The following TSEN2 variants were observed in gnomAD, a reference collection of about 807,000 sequenced individuals.
TSEN2 encodes tRNA-splicing endonuclease subunit Sen2.
In TSEN2, 54 loss-of-function variants were observed where a neutral mutation model predicts 59.2. The observed-to-expected ratio is 0.91, with a 90% CI of 0.73 to 1.14. The LOEUF (loss-of-function observed/expected upper bound fraction) is 1.14. Among genes scored for constraint, TSEN2 ranks in the 50% most tolerant of loss-of-function variants. TSEN2 has a pLI of 0.00. For missense variants in TSEN2, 636 were observed against 576.2 expected (o/e 1.10, Z -1.06); for synonymous variants, 195 against 198.2 (o/e 0.98, Z 0.14).
Position 12,532,848 on chromosome 3 carries a change from A to T in TSEN2, c.*127A>T. On this transcript the variant is annotated 3_prime_UTR_variant, in exon 12 of 12. Coordinates refer to ENST00000284995, the MANE Select transcript of TSEN2 (RefSeq NM_025265.4). ...GGGCATGGTGCTCCCAGCACCAGAA[A>T]ACTATCAGTGTTTTTAAAGATAAAT... 1 of 858,558 alleles carries T rather than the reference A, an allele frequency of 1.2e-6. No individual in the cohort carries two copies. The highest frequency in any genetic ancestry group is 1.9e-6 in the Non-Finnish European group (1 of 523,838). 53.2% of individuals were successfully genotyped at this position (858,558 alleles called of 1,614,324 possible). A position where few individuals can be genotyped will look rare whatever the true frequency, so the allele number is the denominator to read the frequency against.
At chr3:12,516,841 C>T (rs1322178434) in intron 7 of TSEN2, among the ~76,000 whole-genome samples, 180 bp downstream of exon 7, 1 of 152,130 alleles carries the variant, frequency 6.6e-6, no homozygotes, top group Non-Finnish European at 1.5e-5. Context: ...GAGCAAAAGG[C>T]ATCTTTGACC....
At position 12,492,230 on chromosome 3, in the gene TSEN2, T is replaced by TA. The variant is rs1377560426; in HGVS notation, c.271+14dup. 2 of 1,599,108 alleles carry TA rather than the reference T, an allele frequency of 1.3e-6. No individual in the cohort carries two copies. Among genetic ancestry groups the TA allele is most frequent in the African/African-American group, 2.7e-5 (2 of 74,656 alleles). ...GCTAAATGGAAAGGTAAAGTTGTTGTATCATTCAGTTCTTTTGACAAATTA... is the reference window on the plus strand; with the variant it reads ...GCTAAATGGAAAGGTAAAGTTGTTGTAATCATTCAGTTCTTTTGACAAATTA... On this transcript the variant is annotated intron_variant, in intron 3 of 11. Transcript: ENST00000284995.
At chr3:12,485,954 T>C (rs1161571334) in intron 1 of TSEN2, among the ~76,000 whole-genome samples, 1 of 151,882 alleles carries the variant, frequency 6.6e-6, no homozygotes, top group Non-Finnish European at 1.5e-5. Flanking sequence ...TTTAAAAATA[T>C]ATATATATAA....
Position 12,503,773 on chromosome 3 carries a change from C to T in TSEN2, c.820C>T (p.Pro274Ser). 6.2e-7 allele frequency: 1 copy of T among 1,613,912 alleles called. No homozygotes were observed. The highest frequency in any genetic ancestry group is 1.1e-5 in the South Asian group (1 of 91,050). Residue 274 changes from proline to serine, a missense_variant, in exon 5 of 12, where the codon CCA becomes TCA. Pro to Ser is a moderately conservative substitution (Grantham distance 74). Transcript: ENST00000284995. Reference sequence around the variant, plus strand: ...TGCCATGAGCGAGAGGGAGGCTGCCCCAAATGAGGAAGTAAGTAGAAGAAA... The same window carrying T: ...TGCCATGAGCGAGAGGGAGGCTGCCTCAAATGAGGAAGTAAGTAGAAGAAA... Reference protein sequence around the residue: ...ECAMSEREAAPNEELVQRNRL... With the variant: ...ECAMSEREAASNEELVQRNRL...
chr3:12,524,023 T>A (rs2056883315), intron 8 of TSEN2, among the ~76,000 whole-genome samples: 1 of 152,232 alleles, frequency 6.6e-6, no homozygotes, highest in Non-Finnish European at 1.5e-5. Context: ...AAAATTAGAA[T>A]TACTTAATAT....
intron 6 of TSEN2, chr3:12,515,050 C>T (rs778881612): frequency 6.6e-6 from 1 of 152,118 alleles, no homozygotes; most frequent in African/African-American, 2.4e-5. Flanking sequence ...GATAACACCA[C>T]GTTATTATTA....
At chr3:12,527,540 G>A (rs1050304339) in intron 8 of TSEN2, among the ~76,000 whole-genome samples, 1 of 146,930 alleles carries the variant, frequency 6.8e-6, no homozygotes, top group Non-Finnish European at 1.5e-5. Context: ...TGCAAGCTCC[G>A]CCTCCCGGCC....
chr3:12,509,186 T>C (rs1376608731), intron 6 of TSEN2, among the ~76,000 whole-genome samples: 1 of 141,236 alleles, frequency 7.1e-6, no homozygotes, highest in East Asian at 2.0e-4. Context: ...TTGGGGGTTT[T>C]TTTTGGTTTT....
chr3:12,529,918 TCA>T lies in TSEN2; in HGVS notation c.1248+46_1248+47del, dbSNP rs1049293684. On this transcript the variant is annotated intron_variant, in intron 10 of 11. Transcript: ENST00000284995. ...GCCATTGGAGTGTCACTTAAATGGT[TCA>T]GTTTTTTTTTTTTTCTTAAATGTAG... The T allele has an allele frequency of 8.2e-6, 13 of 1,586,208 alleles. No individual in the cohort carries two copies. The African/African-American group carries it at 1.2e-4, about 15-fold the overall frequency.
At chr3:12,517,666 G>C (rs138570529) in intron 7 of TSEN2, among the ~76,000 whole-genome samples, 1 of 152,150 alleles carries the variant, frequency 6.6e-6, no homozygotes, top group African/African-American at 2.4e-5. Flanking sequence ...CATAAATACC[G>C]TTCATGGGTA....
intron 7 of TSEN2, 78 bp from the exon 8 acceptor site, chr3:12,518,981 T>C: frequency 7.1e-7 from 1 of 1,415,310 alleles, no homozygotes; most frequent in Non-Finnish European, 9.9e-7. Context: ...ACACTTAGTA[T>C]AGATGTTGGT....
chr3:12,533,271 T>G lies in TSEN2; in HGVS notation c.*550T>G, dbSNP rs1401950451. ...TGTTTGGAGACATAATGAAAGCGAT[T>G]AACATTTGGCAAAATATAATAAAGC... On this transcript the variant is annotated 3_prime_UTR_variant, in exon 12 of 12. Coordinates refer to ENST00000284995, the MANE Select transcript of TSEN2 (RefSeq NM_025265.4). 1 of 155,692 alleles carries G rather than the reference T, an allele frequency of 6.4e-6. No homozygotes were observed. Among genetic ancestry groups the G allele is most frequent in the Non-Finnish European group, 1.4e-5 (1 of 70,184 alleles). 9.6% of individuals were successfully genotyped at this position (155,692 alleles called of 1,614,324 possible). A position where few individuals can be genotyped will look rare whatever the true frequency, so the allele number is the denominator to read the frequency against.
chr3:12,496,220 T>TG (rs1207022873), intron 3 of TSEN2, among the ~76,000 whole-genome samples: 1 of 152,260 alleles, frequency 6.6e-6, no homozygotes. Context: ...CATTCAGCCA[T>TG]GGCAGAGAGG....
At chr3:12,502,541 A>G (rs2054377742) in intron 4 of TSEN2, among the ~76,000 whole-genome samples, 1 of 152,050 alleles carries the variant, frequency 6.6e-6, no homozygotes, top group South Asian at 2.1e-4. Flanking sequence ...ATCTCAAAAA[A>G]TAACAACAAT....
chr3:12,536,965 C>G (rs1018268291), downstream of TSEN2, among the ~76,000 whole-genome samples: 2 of 150,920 alleles, frequency 1.3e-5, no homozygotes, highest in Admixed American at 1.3e-4. Context: ...GAGCACGTCA[C>G]TGCACTCCAG....
intron 8 of TSEN2, among the ~76,000 whole-genome samples, chr3:12,520,434 A>C (rs1008587563): frequency 6.6e-6 from 1 of 152,220 alleles, no homozygotes; most frequent in Non-Finnish European, 1.5e-5. Context: ...GTCTGACAGT[A>C]CTGCCTCCCT....
At chr3:12,517,074 C>G (rs992471304) in intron 7 of TSEN2, among the ~76,000 whole-genome samples, 10 of 152,174 alleles carry the variant, frequency 6.6e-5, no homozygotes, top group Non-Finnish European at 1.0e-4. Context: ...GGGGCCGGGC[C>G]CGGTGGCTCA....
intron 3 of TSEN2, among the ~76,000 whole-genome samples, chr3:12,493,479 A>C (rs1010527100): frequency 2.0e-5 from 3 of 152,228 alleles, no homozygotes; most frequent in African/African-American, 7.2e-5. Context: ...CTGTAATCCC[A>C]GCACTTTGGG....
intron 2 of TSEN2, among the ~76,000 whole-genome samples, chr3:12,491,002 GT>G (rs199673571): frequency 6.6e-6 from 1 of 151,788 alleles, no homozygotes. Flanking sequence ...TTTTTTGTTT[GT>G]TTTTTGTGAC....
Sources: gnomAD v4.1 joint callset for allele counts (sites outside exome capture counted in the v4.1 genomes callset) on GRCh38, gnomAD v4.1.1 for gene constraint, MANE v1.5 for transcripts, NCBI Gene and HGNC (gene_info 2026-07-23, HGNC 2026-07-21) for gene names.